The following FOXJ3 variants were observed in gnomAD, a reference collection of about 807,000 sequenced individuals.
FOXJ3 encodes the protein forkhead box protein J3.
A neutral mutation model predicts 76.1 loss-of-function variants in FOXJ3; 22 were observed. That is an observed-to-expected ratio of 0.29 (90% CI 0.21 to 0.41). FOXJ3 has a LOEUF of 0.41. Ranked by LOEUF, FOXJ3 falls within the 10% of genes least tolerant of loss-of-function variation. FOXJ3 has a pLI of 1.00. For missense variants in FOXJ3, 613 were observed against 762.1 expected (o/e 0.80, Z 2.30); for synonymous variants, 269 against 261.2 (o/e 1.03, Z -0.29).
chr1:42,231,310 A>G (rs984210919), intron 4 of FOXJ3, among the ~76,000 whole-genome samples: 9 of 152,194 alleles, frequency 5.9e-5, no homozygotes, highest in Admixed American at 1.3e-4. Context: ...TGGGTGACAG[A>G]GCGAGACTCC....
intron 2 of FOXJ3, among the ~76,000 whole-genome samples, chr1:42,300,058 G>A (rs1388681223): frequency 1.3e-5 from 2 of 152,076 alleles, no homozygotes; most frequent in African/African-American, 4.8e-5. Context: ...AAATTAGCCA[G>A]GTGTGGTGGC....
intron 12 of FOXJ3, 52 bp from the exon 13 acceptor site, chr1:42,179,877 G>T (rs747328179): frequency 3.6e-6 from 4 of 1,119,750 alleles, no homozygotes; most frequent in Non-Finnish European, 5.5e-6. Context: ...AAGAAAGTAA[G>T]AAATAAACTA....
intron 1 of FOXJ3, among the ~76,000 whole-genome samples, chr1:42,313,337 C>CAA (rs35058575): frequency 2.1e-5 from 2 of 93,924 alleles, no homozygotes; most frequent in Non-Finnish European, 2.3e-5. Flanking sequence ...AATTCCGTCT[C>CAA]AAAAAAAAAA....
At chr1:42,238,834 C>T (rs1272063650) in intron 4 of FOXJ3, among the ~76,000 whole-genome samples, 1 of 152,202 alleles carries the variant, frequency 6.6e-6, no homozygotes, top group East Asian at 1.9e-4. Context: ...TGAGCCACCG[C>T]ACCCAGCCTA....
chr1:42,222,439 C>G (rs1430351729), intron 5 of FOXJ3, among the ~76,000 whole-genome samples: 1 of 152,106 alleles, frequency 6.6e-6, no homozygotes, highest in South Asian at 2.1e-4. Context: ...TATGCTGAGA[C>G]AATAAGCAAC....
chr1:42,262,248 T>C (rs683093), intron 4 of FOXJ3, among the ~76,000 whole-genome samples: 150,586 of 152,326 alleles, frequency 0.99, 74,444 homozygotes, highest in East Asian at 1. Flanking sequence ...TACTTTTCCC[T>C]TTAAGTTAGT....
At position 42,179,675 on chromosome 1, in the gene FOXJ3, T is replaced by A. The variant is rs1038273307; in HGVS notation, c.*35A>T. 3.1e-6 allele frequency: 4 copies of A among 1,308,540 alleles called. No individual in the cohort carries two copies. In the African/African-American group the frequency reaches 5.8e-5, roughly 19 times the overall value. 81.1% of individuals were successfully genotyped at this position (1,308,540 alleles called of 1,614,324 possible). ...CCTTTCCCTTCACTGCACAGAAAGG[T>A]AACGTTAGGGTCTGGTGTCTTGCAG... On this transcript the variant is annotated 3_prime_UTR_variant, in exon 13 of 13. Coordinates refer to ENST00000361346, the MANE Select transcript of FOXJ3 (RefSeq NM_014947.5).
At chr1:42,226,993 T>G (rs964075019) in intron 5 of FOXJ3, among the ~76,000 whole-genome samples, 1 of 152,244 alleles carries the variant, frequency 6.6e-6, no homozygotes, top group African/African-American at 2.4e-5. Context: ...TTTACTAGTA[T>G]CTATTATAAG....
chr1:42,221,170 A>C (rs559853939), intron 5 of FOXJ3, among the ~76,000 whole-genome samples: 1 of 152,340 alleles, frequency 6.6e-6, no homozygotes, highest in East Asian at 1.9e-4. Context: ...TGTAGTCTCT[A>C]GAAAAGGTGT....
At chr1:42,187,142 C>T (rs1646453615) in intron 11 of FOXJ3, among the ~76,000 whole-genome samples, 1 of 151,428 alleles carries the variant, frequency 6.6e-6, no homozygotes, top group African/African-American at 2.5e-5. Flanking sequence ...GCCACCATGC[C>T]TGGCCGAGAC....
intron 2 of FOXJ3, among the ~76,000 whole-genome samples, chr1:42,308,557 T>C (rs1047586927): frequency 6.6e-6 from 1 of 152,098 alleles, no homozygotes; most frequent in African/African-American, 2.4e-5. Context: ...AAGACATATA[T>C]AAGGACACTA....
intron 6 of FOXJ3, 140 bp from the exon 7 acceptor site, chr1:42,199,370 C>A: frequency 5.0e-6 from 3 of 597,610 alleles, no homozygotes; most frequent in South Asian, 4.8e-5. Flanking sequence ...CAATTCCATG[C>A]CCCATATGGC....
chr1:42,273,071 T>G (rs983342832), intron 3 of FOXJ3, among the ~76,000 whole-genome samples: 2 of 152,188 alleles, frequency 1.3e-5, no homozygotes, highest in African/African-American at 4.8e-5. Flanking sequence ...ATACTCCCCA[T>G]AAACTCATTA....
intron 2 of FOXJ3, among the ~76,000 whole-genome samples, chr1:42,280,103 T>C (rs1266228484): frequency 6.6e-6 from 1 of 152,132 alleles, no homozygotes; most frequent in African/African-American, 2.4e-5. Flanking sequence ...GCAACAATAG[T>C]ACTTATGGTC....
chr1:42,244,922 C>T (rs1649424255), intron 4 of FOXJ3, among the ~76,000 whole-genome samples: 1 of 152,110 alleles, frequency 6.6e-6, no homozygotes, highest in Admixed American at 6.5e-5. Flanking sequence ...TGGCTCACAC[C>T]TGTAATCCAA....
At chr1:42,286,258 A>G (rs1653048367) in intron 2 of FOXJ3, among the ~76,000 whole-genome samples, 1 of 152,210 alleles carries the variant, frequency 6.6e-6, no homozygotes, top group Non-Finnish European at 1.5e-5. Flanking sequence ...AATTTTTTCT[A>G]AATTAGTTAT....
chr1:42,291,649 A>T (rs894364531), intron 2 of FOXJ3, among the ~76,000 whole-genome samples: 7 of 151,818 alleles, frequency 4.6e-5, no homozygotes, highest in East Asian at 1.9e-4. Context: ...GAAAAAAAAA[A>T]TTTTTGTTTT....
chr1:42,273,649 TG>T (rs1652033564), intron 3 of FOXJ3, among the ~76,000 whole-genome samples: 1 of 124,298 alleles, frequency 8.0e-6, no homozygotes, highest in South Asian at 2.4e-4. Flanking sequence ...CACTCCAGCC[TG>T]GACAACAGAG....
chr1:42,189,341 C>A lies in FOXJ3; in HGVS notation c.1415G>T (p.Ser472Ile). ...AAGGTCTACATCTGACCAATTAACA[C>A]TGCTGGCAATTCGACAGCTTTCTTT... ...MLKESCRIAS[S>I]VNWSDVDLSQ... The change falls in exon 10 of 13, where the codon AGT (serine) becomes ATT (isoleucine). Residue 472 changes from serine (S) to isoleucine (I), a missense_variant. By Grantham distance (142) the Ser-to-Ile change is moderately radical (BLOSUM62 -2). Around this residue, in one of 3 missense-constraint regions of FOXJ3, gnomAD observed 526 missense variants for 601.4 expected, o/e 0.87. Transcript: ENST00000361346. 6.2e-7 allele frequency: 1 copy of A among 1,613,732 alleles called. No individual in the cohort carries two copies. Among genetic ancestry groups the A allele is most frequent in the Non-Finnish European group, 8.5e-7 (1 of 1,179,658 alleles).
Sources: allele counts gnomAD v4.1 joint callset (sites outside exome capture counted in the v4.1 genomes callset), GRCh38; gene constraint gnomAD v4.1.1; regional missense constraint gnomAD v4.1.1; transcripts MANE v1.5; gene names NCBI Gene and HGNC (gene_info 2026-07-23, HGNC 2026-07-21).